RAPH1: variants seen among roughly 807,000 people sequenced by gnomAD.
The protein encoded by RAPH1 is Ras association (RalGDS/AF-6) and pleckstrin homology domains 1.
RAPH1 carries 18 observed loss-of-function variants against 88.1 expected under a neutral mutation model. The observed-to-expected ratio is 0.20, with a 90% confidence interval of 0.14 to 0.30. The LOEUF is 0.30. RAPH1 is among the 10% of genes least tolerant of loss of function. The pLI is 1.00. For synonymous variants in RAPH1, 587 were observed against 559.0 expected (o/e 1.05, Z -0.71); for missense variants, 1,448 against 1,543.2 (o/e 0.94, Z 1.03).
At chr2:203,513,444 TC>T (rs1277821346) in intron 1 of RAPH1, among the ~76,000 whole-genome samples, 1 of 106,802 alleles carries the variant, frequency 9.4e-6, no homozygotes, top group Non-Finnish European at 1.7e-5. Context: ...AAGCTCCACC[TC>T]CCAGGTTCAT....
At chr2:203,513,040 T>C (rs546453206) in intron 1 of RAPH1, among the ~76,000 whole-genome samples, 2 of 152,200 alleles carry the variant, frequency 1.3e-5, no homozygotes, top group Non-Finnish European at 2.9e-5. Context: ...TCTTACACAA[T>C]TGAAAACGTT....
intron 2 of RAPH1, among the ~76,000 whole-genome samples, chr2:203,493,971 C>CAAAAAAAAAAA (rs397937732): frequency 2.3e-3 from 44 of 18,950 alleles, no homozygotes; most frequent in East Asian, 4.1e-3. Context: ...GACTCTATCT[C>CAAAAAAAAAAA]AAAAAAAAAA....
intron 8 of RAPH1, among the ~76,000 whole-genome samples, chr2:203,456,108 G>A (rs1334785853): frequency 6.6e-6 from 1 of 152,088 alleles, no homozygotes; most frequent in Non-Finnish European, 1.5e-5. Context: ...ATCCTAAAAT[G>A]TTTATTAAAT....
Position 203,436,798 on chromosome 2 carries a change from GAA to G in RAPH1, c.*2637_*2638del, listed in dbSNP as rs2098498886. 1 of 152,066 alleles carries G rather than the reference GAA, an allele frequency of 6.6e-6. No homozygotes were observed. The highest frequency in any genetic ancestry group is 2.1e-4 in the South Asian group (1 of 4,830). The allele number at this position is 152,066 out of a possible 1,614,324, so 9.4% of individuals were successfully genotyped here. A position where few individuals can be genotyped will look rare whatever the true frequency, so the allele number is the denominator to read the frequency against. On this transcript the variant is annotated 3_prime_UTR_variant, in exon 14 of 14. Transcript: ENST00000319170. ...AGATGCTTTCCATGAATACACCAGA[GAA>G]AAAGAGCTACAGAAATACAGTCTAG...
chr2:203,453,968 A>G (rs181057824), intron 10 of RAPH1, among the ~76,000 whole-genome samples: 4 of 152,302 alleles, frequency 2.6e-5, no homozygotes, highest in African/African-American at 9.6e-5. Context: ...ATGGGCTATC[A>G]TGACTATAGT....
intron 4 of RAPH1, among the ~76,000 whole-genome samples, chr2:203,477,807 T>G (rs1293466061): frequency 6.6e-6 from 1 of 152,138 alleles, no homozygotes; most frequent in Non-Finnish European, 1.5e-5. Context: ...ATCAGTACAT[T>G]GGGGGTGAGG....
chr2:203,441,599 G>GC, intron 13 of RAPH1, 186 bp from the exon 14 acceptor site: 1 of 1,345,490 alleles, frequency 7.4e-7, no homozygotes, highest in East Asian at 2.9e-5. Flanking sequence ...GATTGTGCGG[G>GC]CAAGAAGGAA....
At chr2:203,505,419 G>C (rs1023277649) in intron 1 of RAPH1, among the ~76,000 whole-genome samples, 3 of 145,656 alleles carry the variant, frequency 2.1e-5, no homozygotes, top group African/African-American at 7.6e-5. Flanking sequence ...GCACAAGAAA[G>C]ACTGGCCGCC....
chr2:203,534,240 T>C (rs1690511501), intron 1 of RAPH1, among the ~76,000 whole-genome samples: 1 of 152,166 alleles, frequency 6.6e-6, no homozygotes. Flanking sequence ...GTGAAGAACT[T>C]TTCCATTCTC....
At chr2:203,495,863 G>C (rs992756922) in intron 1 of RAPH1, among the ~76,000 whole-genome samples, 1 of 152,092 alleles carries the variant, frequency 6.6e-6, no homozygotes, top group Non-Finnish European at 1.5e-5. Context: ...ATCTAGTTTT[G>C]TTTCTTTCTA....
intron 4 of RAPH1, among the ~76,000 whole-genome samples, chr2:203,465,692 C>A (rs2098527927): frequency 6.6e-6 from 1 of 152,204 alleles, no homozygotes; most frequent in African/African-American, 2.4e-5. Context: ...GGCTGGCCAA[C>A]ATGGCAAAAC....
chr2:203,460,835 G>A (rs2098523656), intron 6 of RAPH1, among the ~76,000 whole-genome samples: 1 of 152,110 alleles, frequency 6.6e-6, no homozygotes, highest in Non-Finnish European at 1.5e-5. Context: ...ATAAAGATGA[G>A]GCCAGGCGTG....
chr2:203,439,540 C>T lies in RAPH1; in HGVS notation c.3650G>A (p.Gly1217Asp). 3 of 1,614,160 alleles carry T rather than the reference C, an allele frequency of 1.9e-6. No individual in the cohort carries two copies. Among genetic ancestry groups the T allele is most frequent in the Non-Finnish European group, 1.7e-6 (2 of 1,180,022 alleles). Residue 1217 changes from glycine to aspartate, a missense_variant, in exon 14 of 14, where the codon GGT (glycine) becomes GAT (aspartate). Coordinates refer to ENST00000319170, the MANE Select transcript of RAPH1 (RefSeq NM_213589.3). ...PELLSDQQKA[G>D]YGGSHISGYA... ...GCCTGATATATGACTGCCTCCGTAA[C>T]CAGCCTTCTGTTGATCAGACAGCAG...
At chr2:203,454,351 C>T in intron 10 of RAPH1, 79 bp downstream of exon 10, 1 of 916,006 alleles carries the variant, frequency 1.1e-6, no homozygotes, top group Non-Finnish European at 1.7e-6. Flanking sequence ...TTGATGGAAT[C>T]TCAACAGTTC....
chr2:203,499,322 C>G (rs529950582), intron 1 of RAPH1, among the ~76,000 whole-genome samples: 27 of 152,060 alleles, frequency 1.8e-4, no homozygotes, highest in Middle Eastern at 3.4e-3. Flanking sequence ...ATAAAATTAA[C>G]AGAAATTTTG....
intron 8 of RAPH1, 71 bp downstream of exon 8, chr2:203,457,459 C>T: frequency 2.5e-6 from 3 of 1,223,578 alleles, no homozygotes; most frequent in Non-Finnish European, 3.6e-6. Context: ...GTTGGGATTG[C>T]AGGCGTGAGC....
At chr2:203,526,236 T>C (rs1379481650) in intron 1 of RAPH1, among the ~76,000 whole-genome samples, 3 of 152,208 alleles carry the variant, frequency 2.0e-5, no homozygotes, top group Admixed American at 6.5e-5. Context: ...AAAAAAATGT[T>C]TTATTACTGT....
At chr2:203,508,957 GCTTA>G (rs1372047888) in intron 1 of RAPH1, among the ~76,000 whole-genome samples, 1 of 151,134 alleles carries the variant, frequency 6.6e-6, no homozygotes, top group African/African-American at 2.4e-5. Context: ...TATTTGCCTT[GCTTA>G]CTCAGTTAAC....
intron 1 of RAPH1, among the ~76,000 whole-genome samples, chr2:203,510,397 C>A (rs1031523717): frequency 1.4e-5 from 2 of 146,180 alleles, no homozygotes; most frequent in Non-Finnish European, 3.0e-5. Context: ...AGGAAGTAAT[C>A]CCTTACCAAA....
Sources: gnomAD v4.1 joint callset for allele counts (sites outside exome capture counted in the v4.1 genomes callset) on GRCh38, gnomAD v4.1.1 for gene constraint, MANE v1.5 for transcripts, NCBI Gene and HGNC (gene_info 2026-07-23, HGNC 2026-07-21) for gene names.